NUDCD1: variants seen among roughly 807,000 people sequenced by gnomAD.
NUDCD1 encodes the protein nudC domain-containing protein 1.
Under a neutral mutation model 67.8 loss-of-function variants are expected in NUDCD1, and 60 were observed. The observed-to-expected ratio is 0.88, with a 90% CI of 0.72 to 1.10. The LOEUF is 1.10. Among genes scored for constraint, NUDCD1 ranks in the 50% least tolerant of loss-of-function variants. The pLI is 0.00. For missense variants in NUDCD1, 643 were observed against 695.0 expected, an observed-to-expected ratio of 0.93 and a Z score of 0.84; for synonymous variants, 244 against 230.8, an observed-to-expected ratio of 1.06 and a Z score of -0.52.
chr8:109,243,236 C>G lies in NUDCD1; in HGVS notation c.1525G>C (p.Ala509Pro). The G allele has an allele frequency of 6.2e-7, 1 of 1,612,102 alleles. No individual in the cohort carries two copies. ...ACTCGACGAAGGCACTCACAAAGGG[C>G]TGCATACGAGTAATTTGGAGCACAG... The part of the protein sequence containing the change: ...FACAPNYSYA[A>P]LCECLRRVFI... Residue 509 changes from alanine to proline, a missense_variant, in exon 10 of 10, where the codon GCC (alanine) becomes CCC (proline). Physicochemically the swap from Ala to Pro is conservative, Grantham distance 27. Coordinates refer to ENST00000239690, the MANE Select transcript of NUDCD1 (RefSeq NM_032869.4).
rs1272915794 is a variant in NUDCD1, at chr8:109,242,840, T to C, written c.*169A>G. The C allele has an allele frequency of 2.3e-6, 1 of 432,198 alleles. No individual in the cohort carries two copies. The highest frequency in any genetic ancestry group is 4.1e-6 in the Non-Finnish European group (1 of 244,802). The allele number at this position is 432,198 out of a possible 1,614,324, so 26.8% of individuals were successfully genotyped here. A position where few individuals can be genotyped will look rare whatever the true frequency, so the allele number is the denominator to read the frequency against. ...TAAATCTGCAGCTTCATTCCACAGC[T>C]TTACAGAATCATAATCTCTTGAATA... On this transcript the variant is annotated 3_prime_UTR_variant, in exon 10 of 10. Transcript: ENST00000239690.
intron 2 of NUDCD1, among the ~76,000 whole-genome samples, chr8:109,317,991 TATGTAGAA>T (rs1815441424): frequency 6.6e-6 from 1 of 152,228 alleles, no homozygotes; most frequent in African/African-American, 2.4e-5. Context: ...CCTGAACTTA[TATGTAGAA>T]GTATAAGTAC....
At chr8:109,333,561 A>T (rs1249260255) in intron 1 of NUDCD1, among the ~76,000 whole-genome samples, 1 of 152,138 alleles carries the variant, frequency 6.6e-6, no homozygotes. Context: ...GAATGTTCTC[A>T]GCGTCCCCCG....
intron 2 of NUDCD1, among the ~76,000 whole-genome samples, chr8:109,303,036 A>G (rs756754392): frequency 6.6e-6 from 1 of 152,220 alleles, no homozygotes; most frequent in Non-Finnish European, 1.5e-5. Context: ...CCTAAACTGC[A>G]GGGGCCAGGT....
intron 8 of NUDCD1, among the ~76,000 whole-genome samples, chr8:109,257,431 C>T (rs1813764441): frequency 6.6e-6 from 1 of 151,956 alleles, no homozygotes; most frequent in African/African-American, 2.4e-5. Flanking sequence ...CAAAAGGCTG[C>T]TAGGACACAT....
intron 8 of NUDCD1, among the ~76,000 whole-genome samples, chr8:109,260,814 T>C (rs1264039014): frequency 6.6e-6 from 1 of 152,216 alleles, no homozygotes; most frequent in African/African-American, 2.4e-5. Flanking sequence ...TACAACTCTC[T>C]TTCCTCACTT....
At chr8:109,299,225 C>T (rs1814918228) in intron 2 of NUDCD1, among the ~76,000 whole-genome samples, 3 of 152,192 alleles carry the variant, frequency 2.0e-5, no homozygotes. Context: ...CTTTGTAACA[C>T]TTTGAACTGA....
chr8:109,324,314 A>G (rs1039903765), intron 1 of NUDCD1, among the ~76,000 whole-genome samples: 1 of 151,998 alleles, frequency 6.6e-6, no homozygotes, highest in African/African-American at 2.4e-5. Context: ...CAACATCACT[A>G]ATTATTGAGG....
At chr8:109,286,699 C>A (rs1745771689) in intron 5 of NUDCD1, among the ~76,000 whole-genome samples, 1 of 152,036 alleles carries the variant, frequency 6.6e-6, no homozygotes, top group Non-Finnish European at 1.5e-5. Flanking sequence ...CTAGGAAACA[C>A]CATTGTGGAC....
At chr8:109,262,771 T>G (rs373389004) in intron 8 of NUDCD1, among the ~76,000 whole-genome samples, 3 of 152,054 alleles carry the variant, frequency 2.0e-5, no homozygotes, top group Non-Finnish European at 4.4e-5. Context: ...AAAACCTGAA[T>G]GTGGCCGGGT....
At chr8:109,304,161 A>G (rs537849582) in intron 2 of NUDCD1, among the ~76,000 whole-genome samples, 5 of 152,118 alleles carry the variant, frequency 3.3e-5, no homozygotes, top group Non-Finnish European at 7.4e-5. Flanking sequence ...TTCATTACAC[A>G]CAGCTGAAGT....
At chr8:109,257,247 T>C (rs1450736345) in intron 8 of NUDCD1, among the ~76,000 whole-genome samples, 1 of 152,118 alleles carries the variant, frequency 6.6e-6, no homozygotes, top group Non-Finnish European at 1.5e-5. Flanking sequence ...CACTGAAATC[T>C]TGGAGTATCT....
At chr8:109,275,277 G>C in intron 7 of NUDCD1, 75 bp downstream of exon 7, 1 of 1,410,360 alleles carries the variant, frequency 7.1e-7, no homozygotes, top group African/African-American at 1.4e-5. Flanking sequence ...AATATTGTTT[G>C]AAAAGCATGG....
intron 8 of NUDCD1, among the ~76,000 whole-genome samples, chr8:109,248,111 G>T (rs1260177148): frequency 6.6e-6 from 1 of 152,192 alleles, no homozygotes; most frequent in Admixed American, 6.5e-5. Context: ...GATAGACAGA[G>T]TTTAGAAGAT....
At chr8:109,320,029 A>G (rs1054095531) in intron 2 of NUDCD1, among the ~76,000 whole-genome samples, 5 of 152,190 alleles carry the variant, frequency 3.3e-5, no homozygotes, top group African/African-American at 7.2e-5. Context: ...TGGGTCACAG[A>G]CATCAAGTAG....
At chr8:109,299,889 T>C (rs1407399835) in intron 2 of NUDCD1, among the ~76,000 whole-genome samples, 3 of 152,160 alleles carry the variant, frequency 2.0e-5, no homozygotes, top group African/African-American at 7.2e-5. Flanking sequence ...GGTGCTGGTA[T>C]CCATGGCTGA....
At chr8:109,331,449 G>T (rs117891895) in intron 1 of NUDCD1, among the ~76,000 whole-genome samples, 5,583 of 147,954 alleles carry the variant, frequency 0.038, 147 homozygotes, top group Middle Eastern at 0.071. Flanking sequence ...CCGGAAGGCA[G>T]AGGTTGCAAT....
At chr8:109,320,240 G>C (rs1815503150) in intron 2 of NUDCD1, among the ~76,000 whole-genome samples, 1 of 152,158 alleles carries the variant, frequency 6.6e-6, no homozygotes, top group African/African-American at 2.4e-5. Flanking sequence ...TAATAAGCCT[G>C]GGAGCACTAT....
At chr8:109,267,747 A>G (rs1814035856) in intron 8 of NUDCD1, among the ~76,000 whole-genome samples, 1 of 152,216 alleles carries the variant, frequency 6.6e-6, no homozygotes, top group Non-Finnish European at 1.5e-5. Context: ...TGTCTCATCA[A>G]ATATTGTCTA....
Sources: gnomAD v4.1 joint callset for allele counts (sites outside exome capture counted in the v4.1 genomes callset) on GRCh38, gnomAD v4.1.1 for gene constraint, MANE v1.5 for transcripts, NCBI Gene and HGNC (gene_info 2026-07-23, HGNC 2026-07-21) for gene names.